PSG9: variants seen among roughly 807,000 people sequenced by gnomAD.
PSG9 encodes the protein pregnancy specific beta-1-glycoprotein 9, also known as pregnancy-specific beta-1-glycoprotein 9.
A neutral mutation model predicts 41.9 loss-of-function variants in PSG9; 49 were observed. The observed-to-expected ratio is 1.17, with a 90% CI of 0.93 to 1.48. The LOEUF is 1.48. Among genes scored for constraint, PSG9 ranks in the 40% most tolerant of loss-of-function variants. The probability of loss-of-function intolerance (pLI) is 0.00; values close to 1 mark genes in which losing one functional copy is unlikely to be tolerated. For missense variants in PSG9, 641 were observed against 520.3 expected (o/e 1.23, Z -2.26); for synonymous variants, 263 against 196.8 (o/e 1.34, Z -2.82).
At chr19:43,259,761 T>G (rs1222684030) in intron 3 of PSG9, 1 of 150,932 alleles carries the variant, frequency 6.6e-6, no homozygotes, top group Non-Finnish European at 1.4e-5. Context: ...ATGACTTACT[T>G]GAACCAGTGA....
rs1968549503 is a variant in PSG9, at chr19:43,258,537, C to T, written c.989-81G>A. On this transcript the variant is annotated intron_variant, in intron 4 of 5. Transcript: ENST00000270077. ...CTGGTCTCTTAAAGGGACACAGTGA[C>T]CCTCTGAGCCAAGACACACCCTCAA... 7 of 1,496,702 alleles carry T rather than the reference C, an allele frequency of 4.7e-6. 2 individuals are homozygous for T. The allele number at this position is 1,496,702 out of a possible 1,614,324, so 92.7% of individuals were successfully genotyped here.
chr19:43,264,187 A>G (rs544293919), intron 2 of PSG9, among the ~76,000 whole-genome samples: 3 of 152,220 alleles, frequency 2.0e-5, no homozygotes, highest in Admixed American at 2.0e-4. Context: ...GCCACCTCCA[A>G]CTGGTCCCCA....
intron 4 of PSG9, among the ~76,000 whole-genome samples, 178 bp from the exon 5 acceptor site, chr19:43,258,634 C>T (rs1409486647): frequency 3.4e-5 from 5 of 146,252 alleles, no homozygotes; most frequent in Non-Finnish European, 5.9e-5. Context: ...CCATCACAAG[C>T]TGTGGGCCCC....
chr19:43,254,818 G>A (rs1456482599), intron 5 of PSG9, among the ~76,000 whole-genome samples: 2 of 145,810 alleles, frequency 1.4e-5, no homozygotes, highest in Admixed American at 1.4e-4. Flanking sequence ...CTCTGAGCAT[G>A]GTGGGTCATG....
chr19:43,258,216 G>C lies in PSG9; in HGVS notation c.1229C>G (p.Thr410Arg). Residue 410 changes from threonine (T) to arginine (R), a missense_variant, in exon 5 of 6, where the codon ACA (threonine) becomes AGA (arginine). Transcript: ENST00000270077. ...GATCCACTTACCAGAGACTTTGACT[G>C]TCATGGATTTGGAGATTTCCTTGCC... ...ATGKEISKSM[T>R]VKVSGPCHGD... 1 of 1,592,856 alleles carries C rather than the reference G, an allele frequency of 6.3e-7. No homozygotes were observed. The highest frequency in any genetic ancestry group is 8.5e-7 in the Non-Finnish European group (1 of 1,174,512).
In PSG9 at chr19:43,258,356, C is replaced by T. The variant is rs750617810; in HGVS notation, c.1089G>A (p.Glu363=). 7 of 1,593,020 alleles carry T rather than the reference C, an allele frequency of 4.4e-6. No individual in the cohort carries two copies. Among genetic ancestry groups the T allele is most frequent in the Non-Finnish European group, 6.0e-6 (7 of 1,174,606 alleles). ...SCFTESNPPA[E]YFWTINGKFQ... is the part of the protein sequence containing the mutation. ...ACTTCCCATTAATTGTCCAAAAATA[C>T]TCTGCCGGTGGGTTAGATTCCGTGA... The change falls in exon 5 of 6, where the codon GAG becomes GAA. Residue 363 remains glutamate (E), a synonymous_variant. Transcript: ENST00000270077.
chr19:43,257,443 C>T, intron 5 of PSG9: 1 of 977,642 alleles, frequency 1.0e-6, no homozygotes, highest in Non-Finnish European at 1.2e-6. Context: ...CCCTATTCCT[C>T]CAGCTCTGCA....
rs1968528158 is a variant in PSG9, at chr19:43,258,241, C to T, written c.1204G>A (p.Gly402Ser). ...YACSVHNSAT[G>S]KEISKSMTVK... ...GTCATGGATTTGGAGATTTCCTTGC[C>T]AGTGGCTGAGTTATGAACAGAGCAA... Residue 402 changes from glycine (G) to serine (S), a missense_variant, in exon 5 of 6, where the codon GGC (glycine) becomes AGC (serine). Gly to Ser is a moderately conservative substitution (Grantham distance 56). Coordinates refer to ENST00000270077, the MANE Select transcript of PSG9 (RefSeq NM_002784.5). 41 of 1,592,796 alleles carry T rather than the reference C, an allele frequency of 2.6e-5. No individual in the cohort carries two copies. Among genetic ancestry groups the T allele is most frequent in the Non-Finnish European group, 3.5e-5 (41 of 1,174,510 alleles).
intron 2 of PSG9, among the ~76,000 whole-genome samples, chr19:43,263,212 C>T (rs777333582): frequency 1.2e-4 from 19 of 152,132 alleles, no homozygotes; most frequent in Admixed American, 7.9e-4. Flanking sequence ...GGTGTTGTTC[C>T]GTGGGTGTGC....
chr19:43,262,428 G>A (rs545878197), intron 2 of PSG9, among the ~76,000 whole-genome samples: 2 of 152,262 alleles, frequency 1.3e-5, no homozygotes, highest in African/African-American at 4.8e-5. Flanking sequence ...ATGCCTCTTT[G>A]AGTCCCTCCG....
At chr19:43,258,554 C>T in intron 4 of PSG9, 98 bp from the exon 5 acceptor site, 1 of 1,480,538 alleles carries the variant, frequency 6.8e-7, no homozygotes, top group Non-Finnish European at 8.9e-7. Context: ...AGCCAAGACA[C>T]ACCCTCAAGT....
intron 5 of PSG9, 93 bp from the exon 6 acceptor site, chr19:43,253,739 G>A: frequency 2.6e-6 from 2 of 766,140 alleles, no homozygotes; most frequent in Non-Finnish European, 4.2e-6. Flanking sequence ...GGAAGGGTGT[G>A]AAAGCAAGCC....
Position 43,258,306 on chromosome 19 carries a change from A to C in PSG9, c.1139T>G (p.Phe380Cys). 1 of 1,592,818 alleles carries C rather than the reference A, an allele frequency of 6.3e-7. No individual in the cohort carries two copies. The highest frequency in any genetic ancestry group is 8.5e-7 in the Non-Finnish European group (1 of 1,174,486). ...ATGATTTCTAGTAATTTGGGGGATA[A>C]AGAGCTTTTGTCCTGATTGCTGAAA... ...GKFQQSGQKL[F>C]IPQITRNHSG... Residue 380 changes from phenylalanine (F) to cysteine (C), a missense_variant, in exon 5 of 6, where the codon TTT (phenylalanine) becomes TGT (cysteine). By Grantham distance (205) the Phe-to-Cys change is radical. Transcript: ENST00000270077.
chr19:43,253,752 G>A (rs1968350275), intron 5 of PSG9, 106 bp from the exon 6 acceptor site: 2 of 671,766 alleles, frequency 3.0e-6, no homozygotes. Context: ...AGCAAGCCTA[G>A]TTCTCTGAGG....
Position 43,259,153 on chromosome 19 carries a change from A to G in PSG9, c.710-18T>C. On this transcript the variant is annotated intron_variant, in intron 3 of 5. Transcript: ENST00000270077. The stretch of plus-strand genomic sequence containing the variant: ...CAGCTTCGCTGTGTGGATAACAGAG[A>G]GAAGATTGTCCTGTGTGGCACCTTT... The G allele has an allele frequency of 6.3e-7, 1 of 1,587,956 alleles. No homozygotes were observed. Among genetic ancestry groups the G allele is most frequent in the Non-Finnish European group, 8.5e-7 (1 of 1,172,746 alleles).
In PSG9 at chr19:43,254,886, T is replaced by C. The variant is rs927546901; in HGVS notation, c.1244-1240A>G. ...GAAGGATTTCTTGAGACCAGGTGTT[T>C]GGACCAGCATAGGTAACCTGGGGAG... is the stretch of plus-strand genomic sequence containing the variant. On this transcript the variant is annotated intron_variant, in intron 5 of 5. Coordinates refer to ENST00000270077, the MANE Select transcript of PSG9 (RefSeq NM_002784.5). 1.7e-4 allele frequency among the ~76,000 whole-genome samples: 25 copies of C among 144,564 alleles called. 2 individuals carry two copies. Among genetic ancestry groups the C allele is most frequent in the Admixed American group, 7.6e-4 (11 of 14,538 alleles). 94.8% of individuals were successfully genotyped at this position (144,564 alleles called of 152,430 possible).
chr19:43,264,455 C>T (rs1293155498), intron 2 of PSG9, among the ~76,000 whole-genome samples: 1 of 151,974 alleles, frequency 6.6e-6, no homozygotes, highest in East Asian at 1.9e-4. Flanking sequence ...CTTCATTTCT[C>T]TGACAGCATT....
intron 2 of PSG9, among the ~76,000 whole-genome samples, chr19:43,267,306 C>T (rs1435181828): frequency 6.6e-6 from 1 of 152,118 alleles, no homozygotes; most frequent in African/African-American, 2.4e-5. Context: ...TTCTTGGTCC[C>T]AGTAAGGCCT....
intron 3 of PSG9, among the ~76,000 whole-genome samples, chr19:43,261,539 A>C (rs943667827): frequency 1.3e-5 from 2 of 152,116 alleles, no homozygotes; most frequent in Non-Finnish European, 2.9e-5. Context: ...GGCCACAGTG[A>C]CCCTGTGAGC....
Sources: allele counts gnomAD v4.1 joint callset (sites outside exome capture counted in the v4.1 genomes callset), GRCh38; gene constraint gnomAD v4.1.1; transcripts MANE v1.5; gene names NCBI Gene and HGNC (gene_info 2026-07-23, HGNC 2026-07-21).